RUFY1: variants seen among roughly 807,000 people sequenced by gnomAD.
RUFY1 encodes RUN and FYVE domain containing 1, also known as RUN and FYVE domain-containing protein 1.
RUFY1 carries 54 observed loss-of-function variants against 94.6 expected under a neutral mutation model. The ratio of observed to expected loss-of-function variants is 0.57; its 90% CI spans 0.46 to 0.72. The LOEUF (loss-of-function observed/expected upper bound fraction) is 0.72, where lower values mean the gene tolerates loss of function less well. Ranked by LOEUF, RUFY1 falls within the 30% of genes least tolerant of loss-of-function variation. RUFY1 has a pLI of 0.00. For synonymous variants in RUFY1, 396 were observed against 347.3 expected (o/e 1.14, Z -1.56); for missense variants, 883 against 883.9 (o/e 1.00, Z 0.01).
Position 179,587,445 on chromosome 5 carries a change from G to A in RUFY1, c.1026+1580G>A, listed in dbSNP as rs1486640317. ...TCCCAGGCTGGAGTGCAGTAGTGAC[G>A]TGATCTCCGCTCACTGCAAGCTCCC... is the stretch of plus-strand genomic sequence containing the variant. On this transcript the variant is annotated intron_variant, in intron 8 of 17. Transcript: ENST00000319449. 2.8e-5 allele frequency among the ~76,000 whole-genome samples: 4 copies of A among 145,112 alleles called. No homozygotes were observed. The East Asian group carries it at 6.1e-4, about 22-fold the overall frequency.
intron 3 of RUFY1, among the ~76,000 whole-genome samples, chr5:179,564,321 C>A (rs1310050945): frequency 6.6e-6 from 1 of 150,870 alleles, no homozygotes; most frequent in Non-Finnish European, 1.5e-5. Context: ...GGTTTCACCA[C>A]ATTGGCCAGG....
chr5:179,558,269 G>A (rs4701132), intron 1 of RUFY1, among the ~76,000 whole-genome samples: 58,811 of 151,878 alleles, frequency 0.39, 11,821 homozygotes, highest in East Asian at 0.69. Flanking sequence ...GGCTTCTCTC[G>A]AAATATAAAA....
intron 1 of RUFY1, 132 bp downstream of exon 1, chr5:179,551,011 C>T (rs116199671): frequency 0.33 from 256,247 of 786,486 alleles, 42,548 homozygotes; most frequent in Non-Finnish European, 0.35. Context: ...GGCGGGCGGG[C>T]GGCGCCTGGC....
intron 2 of RUFY1, among the ~76,000 whole-genome samples, chr5:179,561,402 T>G (rs1485863737): frequency 6.6e-6 from 1 of 151,824 alleles, no homozygotes; most frequent in African/African-American, 2.4e-5. Flanking sequence ...AAAGGTCAGA[T>G]GAGGAGTTGC....
At chr5:179,562,785 C>A in intron 3 of RUFY1, 121 bp downstream of exon 3, 1 of 664,974 alleles carries the variant, frequency 1.5e-6, no homozygotes, top group Non-Finnish European at 2.7e-6. Context: ...GCTCATTATC[C>A]ACATGATCTC....
chr5:179,559,614 G>C (rs1762284776), intron 1 of RUFY1: 7 of 964,076 alleles, frequency 7.3e-6, no homozygotes, highest in Non-Finnish European at 8.7e-6. Flanking sequence ...AGGAATGTTT[G>C]GGGGCGGGAC....
chr5:179,562,280 C>T (rs1481743030), intron 2 of RUFY1, among the ~76,000 whole-genome samples: 1 of 152,006 alleles, frequency 6.6e-6, no homozygotes, highest in African/African-American at 2.4e-5. Context: ...GCGTTGTGGG[C>T]ACCTGTAACC....
rs775531327 is a variant in RUFY1 at position 179,589,642 on chromosome 5, G to A, written c.1123G>A (p.Val375Ile). ...ELIRERSEKS[V>I]EITKQDTKVE... Reference sequence around the variant, plus strand: ...AATTCGAGAAAGAAGTGAAAAGAGTGTAGAGGTGAGAAATTGACCTACATT... The same window carrying A: ...AATTCGAGAAAGAAGTGAAAAGAGTATAGAGGTGAGAAATTGACCTACATT... The change falls in exon 9 of 18, where the codon GTA becomes ATA. Residue 375 changes from valine (V) to isoleucine (I), a missense_variant. Val to Ile is a conservative substitution (Grantham distance 29, BLOSUM62 3). Coordinates refer to ENST00000319449, the MANE Select transcript of RUFY1 (RefSeq NM_025158.5). 1 of 1,608,144 alleles carries A rather than the reference G, an allele frequency of 6.2e-7. No homozygotes were observed. The highest frequency in any genetic ancestry group is 1.1e-5 in the South Asian group (1 of 90,986).
chr5:179,550,595 C>G lies in RUFY1; in HGVS notation c.26C>G (p.Ala9Gly), dbSNP rs773239258. The G allele has an allele frequency of 6.0e-6, 8 of 1,344,366 alleles. No individual in the cohort carries two copies. Among genetic ancestry groups the G allele is most frequent in the Non-Finnish European group, 6.7e-6 (7 of 1,049,714 alleles). The allele number at this position is 1,344,366 out of a possible 1,614,324, so 83.3% of individuals were successfully genotyped here. Residue 9 changes from alanine (A) to glycine (G), a missense_variant, in exon 1 of 18, where the codon GCT becomes GGT. Transcript: ENST00000319449. Reference protein sequence around the residue: MADREGGCAAGRGRELEPE... With the variant: MADREGGCGAGRGRELEPE... ...ATGGCCGACCGGGAAGGCGGCTGCGCTGCTGGGCGGGGGCGGGAGCTGGAG... is the reference window on the plus strand; with the variant it reads ...ATGGCCGACCGGGAAGGCGGCTGCGGTGCTGGGCGGGGGCGGGAGCTGGAG...
intron 1 of RUFY1, among the ~76,000 whole-genome samples, chr5:179,557,131 A>G (rs1460517853): frequency 6.6e-6 from 1 of 152,188 alleles, no homozygotes; most frequent in African/African-American, 2.4e-5. Flanking sequence ...AGTTTTACCA[A>G]GACTTATCAA....
At position 179,600,604 on chromosome 5, in the gene RUFY1, A is replaced by G. The variant is rs73809491; in HGVS notation, c.1762-1288A>G. On this transcript the variant is annotated intron_variant, in intron 14 of 17. Coordinates refer to ENST00000319449, the MANE Select transcript of RUFY1 (RefSeq NM_025158.5). ...ACAGTTCTTCTATAGATTTTTTGAG[A>G]TAGCAATCTGTTTTGTAAAATGTTT... Among the ~76,000 whole-genome samples, 1,441 of 151,344 alleles carry G rather than the reference A, an allele frequency of 9.5e-3. 28 individuals are homozygous for G. Among genetic ancestry groups the G allele is most frequent in the African/African-American group, 0.031 (1,292 of 41,200 alleles).
chr5:179,588,238 C>T lies in RUFY1; in HGVS notation c.1027-1308C>T, dbSNP rs141853445. ...GAGGAATTCTCAGGGGGTGTAGACACTGTTGACAGAGAAAGTGAGGAGTTC... is the reference window on the plus strand; with the variant it reads ...GAGGAATTCTCAGGGGGTGTAGACATTGTTGACAGAGAAAGTGAGGAGTTC... On this transcript the variant is annotated intron_variant, in intron 8 of 17. Coordinates refer to ENST00000319449, the MANE Select transcript of RUFY1 (RefSeq NM_025158.5). Among the ~76,000 whole-genome samples, 418 of 152,234 alleles carry T rather than the reference C, an allele frequency of 2.7e-3. 6 individuals are homozygous for T. Among genetic ancestry groups the T allele is most frequent in the African/African-American group, 9.1e-3 (379 of 41,546 alleles).
Position 179,569,289 on chromosome 5 carries a change from C to A in RUFY1, c.705-13C>A, listed in dbSNP as rs774080712. On this transcript the variant is annotated splice_polypyrimidine_tract_variant and intron_variant, in intron 4 of 17. Coordinates refer to ENST00000319449, the MANE Select transcript of RUFY1 (RefSeq NM_025158.5). ...GTTTCTGAGCATCGCCCTGTCCTGT[C>A]CATCTCTTTCAGCGAGTTCTATGAG... 1 of 1,613,688 alleles carries A rather than the reference C, an allele frequency of 6.2e-7. No homozygotes were observed. Among genetic ancestry groups the A allele is most frequent in the Non-Finnish European group, 8.5e-7 (1 of 1,179,904 alleles).
chr5:179,609,294 CG>C (rs1175202830), intron 17 of RUFY1, 81 bp from the exon 18 acceptor site: 39 of 1,424,094 alleles, frequency 2.7e-5, no homozygotes, highest in Non-Finnish European at 3.7e-5. Flanking sequence ...GCAAATGATG[CG>C]CTTCTGGGTC....
Position 179,609,644 on chromosome 5 carries a change from G to A in RUFY1, c.*125G>A. On this transcript the variant is annotated 3_prime_UTR_variant, in exon 18 of 18. Transcript: ENST00000319449. ...GAATCAAATTTCTTGCCCGGTCACT[G>A]GCACTCCAGAAGACAGCGTGCCGGA... The A allele has an allele frequency of 1.0e-6, 1 of 1,004,914 alleles. No individual in the cohort carries two copies. Among genetic ancestry groups the A allele is most frequent in the Non-Finnish European group, 1.4e-6 (1 of 714,276 alleles). 62.2% of individuals were successfully genotyped at this position (1,004,914 alleles called of 1,614,324 possible).
At chr5:179,557,825 A>C (rs990740316) in intron 1 of RUFY1, among the ~76,000 whole-genome samples, 1 of 152,154 alleles carries the variant, frequency 6.6e-6, no homozygotes, top group African/African-American at 2.4e-5. Context: ...ACTGAATACC[A>C]TAAAGCAGTA....
At chr5:179,556,601 A>G (rs1762129517) in intron 1 of RUFY1, among the ~76,000 whole-genome samples, 1 of 152,046 alleles carries the variant, frequency 6.6e-6, no homozygotes, top group Admixed American at 6.6e-5. Context: ...CCCGAGTTCA[A>G]GTGATCCTCC....
At chr5:179,582,442 GT>G (rs1487760393) in intron 7 of RUFY1, among the ~76,000 whole-genome samples, 1 of 152,096 alleles carries the variant, frequency 6.6e-6, no homozygotes, top group African/African-American at 2.4e-5. Context: ...GCCCAAGGTG[GT>G]CTCAAACTCT....
At chr5:179,565,900 G>T (rs1202720813) in intron 3 of RUFY1, among the ~76,000 whole-genome samples, 3 of 152,118 alleles carry the variant, frequency 2.0e-5, no homozygotes. Context: ...CCAACACTTT[G>T]AGAGGCTGAG....
Sources: allele counts gnomAD v4.1 joint callset (sites outside exome capture counted in the v4.1 genomes callset), GRCh38; gene constraint gnomAD v4.1.1; transcripts MANE v1.5; gene names NCBI Gene and HGNC (gene_info 2026-07-23, HGNC 2026-07-21).